SNRNP35: variants seen among roughly 807,000 people sequenced by gnomAD.
SNRNP35 encodes the protein small nuclear ribonucleoprotein U11/U12 subunit 35.
In SNRNP35, 16 loss-of-function variants were observed where a neutral mutation model predicts 24.3. The ratio of observed to expected loss-of-function variants is 0.66; its 90% CI spans 0.45 to 1.00. The LOEUF is 1.00. Ranked by LOEUF, SNRNP35 falls within the 50% of genes least tolerant of loss-of-function variation. The pLI is 0.00. For synonymous variants in SNRNP35, 106 were observed against 124.8 expected (o/e 0.85, Z 1.00); for missense variants, 292 against 327.2 (o/e 0.89, Z 0.83).
intron 1 of SNRNP35, among the ~76,000 whole-genome samples, chr12:123,462,501 T>G (rs1328477645): frequency 8.3e-6 from 1 of 120,618 alleles, no homozygotes; most frequent in Non-Finnish European, 1.6e-5. Context: ...GTCAGAGGTC[T>G]TTTTTTTTTT....
intron 1 of SNRNP35, among the ~76,000 whole-genome samples, chr12:123,464,043 C>T (rs1470138393): frequency 6.6e-6 from 1 of 150,778 alleles, no homozygotes; most frequent in African/African-American, 2.4e-5. Context: ...AAGTGATTCT[C>T]CTGCCTCAGC....
Position 123,466,000 on chromosome 12 carries a change from A to G in SNRNP35, c.460A>G (p.Arg154Gly). 1 of 1,614,026 alleles carries G rather than the reference A, an allele frequency of 6.2e-7. No individual in the cohort carries two copies. The highest frequency in any genetic ancestry group is 8.5e-7 in the Non-Finnish European group (1 of 1,180,012). The change falls in exon 2 of 2, where the codon AGA (arginine) becomes GGA (glycine). Residue 154 changes from arginine to glycine, a missense_variant. Coordinates refer to ENST00000526639, the MANE Select transcript of SNRNP35 (RefSeq NM_022717.4). The surrounding 1 kb of genome is among the most constrained non-coding windows in gnomAD (Gnocchi z 4.2). Reference protein sequence around the residue: ...LGGKKESGQLRFGGRDRPFRK... With the variant: ...LGGKKESGQLGFGGRDRPFRK... ...GGGAAAAAAGGAGTCTGGGCAACTG[A>G]GATTTGGGGGACGGGACCGGCCTTT... is the stretch of plus-strand genomic sequence containing the variant.
exon 2 of SNRNP35, chr12:123,472,609 C>G (rs777267055): frequency 6.3e-7 from 1 of 1,580,170 alleles, no homozygotes; most frequent in Non-Finnish European, 8.6e-7. Context: ...GCCCACTGTC[C>G]AAAGGACTCC....
chr12:123,469,804 C>G (rs1201023023), downstream of SNRNP35, among the ~76,000 whole-genome samples: 1 of 151,936 alleles, frequency 6.6e-6, no homozygotes, highest in African/African-American at 2.4e-5. Context: ...CACCTTGGCC[C>G]TCTCTAGGAT....
rs1298626854 is a variant in SNRNP35 at position 123,466,119 on chromosome 12, C to T, written c.579C>T (p.His193=). 2 of 1,611,872 alleles carry T rather than the reference C, an allele frequency of 1.2e-6. No homozygotes were observed. Among genetic ancestry groups the T allele is most frequent in the African/African-American group, 1.3e-5 (1 of 74,700 alleles). Residue 193 remains histidine (H), a synonymous_variant, in exon 2 of 2, where the codon CAC becomes CAT. Coordinates refer to ENST00000526639, the MANE Select transcript of SNRNP35 (RefSeq NM_022717.4). The part of the protein sequence containing the change: ...RRERSRSRER[H]WDSRTRDRDH... ...AGCGATCTCGATCCCGAGAAAGACA[C>T]TGGGACTCGAGGACAAGGGATCGAG...
Position 123,466,070 on chromosome 12 carries a change from G to A in SNRNP35, c.530G>A (p.Arg177Lys), listed in dbSNP as rs1313661286. 3.1e-6 allele frequency: 5 copies of A among 1,613,974 alleles called. No homozygotes were observed. The South Asian group carries it at 5.5e-5, about 18-fold the overall frequency. Residue 177 changes from arginine (R) to lysine (K), a missense_variant, in exon 2 of 2, where the codon AGA (arginine) becomes AAA (lysine). Coordinates refer to ENST00000526639, the MANE Select transcript of SNRNP35 (RefSeq NM_022717.4). The stretch of plus-strand genomic sequence containing the variant: ...CCAGTTGTTAAAAACGACCTCTATA[G>A]AGAGGGAAAACGGGAAAGGCGGGAG... ...NLPVVKNDLYREGKRERRERS... is the reference protein window; with the variant it reads ...NLPVVKNDLYKEGKRERRERS...
chr12:123,459,881 G>T, intron 1 of SNRNP35: 1 of 1,595,862 alleles, frequency 6.3e-7, no homozygotes, highest in African/African-American at 1.3e-5. Context: ...AAAGATTAAT[G>T]AGAAACAATG....
At chr12:123,467,914 GGT>G (rs1340422329), downstream of SNRNP35, among the ~76,000 whole-genome samples, 2 of 152,160 alleles carry the variant, frequency 1.3e-5, no homozygotes, top group Non-Finnish European at 2.9e-5. Context: ...GCACCAGAAG[GGT>G]GTTGTGGGCT....
intron 1 of SNRNP35, among the ~76,000 whole-genome samples, chr12:123,460,081 C>T (rs911402283): frequency 1.3e-5 from 2 of 152,182 alleles, no homozygotes; most frequent in African/African-American, 4.8e-5. Context: ...ATCCGCTCAT[C>T]TTGGCCTCCT....
Position 123,465,619 on chromosome 12 carries a change from C to T in SNRNP35, c.79C>T (p.His27Tyr). 6.2e-7 allele frequency: 1 copy of T among 1,610,726 alleles called. No homozygotes were observed. The highest frequency in any genetic ancestry group is 2.2e-5 in the East Asian group (1 of 44,868). ...CATTGATGGCACCGATGAAGACCCA[C>T]ACGACCGCGCGGTCTGGAGGGCAAT... Reference protein sequence around the residue: ...GSIDGTDEDPHDRAVWRAMLA... With the variant: ...GSIDGTDEDPYDRAVWRAMLA... Residue 27 changes from histidine to tyrosine, a missense_variant, in exon 2 of 2, where the codon CAC becomes TAC. Physicochemically the swap from His to Tyr is moderately conservative, Grantham distance 83 (BLOSUM62 2). Transcript: ENST00000526639. This position sits in a 1 kb window ranked among gnomAD's most constrained non-coding sequence, Gnocchi z 4.2.
chr12:123,472,695 A>G (rs1881275451), exon 2 of SNRNP35: 1 of 1,590,244 alleles, frequency 6.3e-7, no homozygotes, highest in Non-Finnish European at 8.6e-7. Flanking sequence ...TTGGAAGGGA[A>G]AGCAAACACA....
At chr12:123,472,754 C>T (rs910453419) in exon 2 of SNRNP35, 36 of 1,512,266 alleles carry the variant, frequency 2.4e-5, no homozygotes, top group East Asian at 4.8e-5. Flanking sequence ...TTTGCAATGC[C>T]GGAGACATAT....
chr12:123,458,412 C>G (rs575336836), intron 1 of SNRNP35, among the ~76,000 whole-genome samples, 196 bp downstream of exon 1: 1 of 132,612 alleles, frequency 7.5e-6, no homozygotes, highest in Non-Finnish European at 1.7e-5. Context: ...CCTGCGGCCC[C>G]CAGAGAAGGA....
intron 1 of SNRNP35, among the ~76,000 whole-genome samples, chr12:123,463,361 C>T (rs1880737964): frequency 6.6e-6 from 1 of 150,944 alleles, no homozygotes; most frequent in South Asian, 2.1e-4. Flanking sequence ...TGCAACAGGT[C>T]AAGTTTTTTT....
Position 123,466,123 on chromosome 12 carries a change from G to A in SNRNP35, c.583G>A (p.Asp195Asn), listed in dbSNP as rs1303548473. The stretch of plus-strand genomic sequence containing the variant: ...ATCTCGATCCCGAGAAAGACACTGG[G>A]ACTCGAGGACAAGGGATCGAGACCA... ...ERSRSRERHWDSRTRDRDHDR... is the reference protein window; with the variant it reads ...ERSRSRERHWNSRTRDRDHDR... The change falls in exon 2 of 2, where the codon GAC (aspartate) becomes AAC (asparagine). Residue 195 changes from aspartate to asparagine, a missense_variant. Physicochemically the swap from Asp to Asn is conservative, Grantham distance 23. Transcript: ENST00000526639. 3 of 1,612,144 alleles carry A rather than the reference G, an allele frequency of 1.9e-6. No individual in the cohort carries two copies. The highest frequency in any genetic ancestry group is 1.7e-5 in the Admixed American group (1 of 59,470).
downstream of SNRNP35, among the ~76,000 whole-genome samples, chr12:123,468,443 T>G (rs1881056162): frequency 6.6e-6 from 1 of 151,336 alleles, no homozygotes; most frequent in African/African-American, 2.4e-5. Flanking sequence ...ATCTCAGCAC[T>G]TTGGGAGGCC....
intron 1 of SNRNP35, chr12:123,459,890 TGAAACCAG>T: frequency 6.3e-7 from 1 of 1,590,240 alleles, no homozygotes; most frequent in Non-Finnish European, 8.6e-7. Context: ...TGAGAAACAA[TGAAACCAG>T]CTGTTAGTAT....
downstream of SNRNP35, among the ~76,000 whole-genome samples, chr12:123,469,076 C>T (rs1453093470): frequency 6.6e-6 from 1 of 152,174 alleles, no homozygotes; most frequent in Non-Finnish European, 1.5e-5. Flanking sequence ...TCTCCCCCTC[C>T]AGTTGTGACA....
At chr12:123,460,263 A>G (rs560349306) in intron 1 of SNRNP35, among the ~76,000 whole-genome samples, 6 of 152,198 alleles carry the variant, frequency 3.9e-5, no homozygotes, top group Admixed American at 2.6e-4. Context: ...CCAAAACCTT[A>G]TATTTTATGA....
Sources: gnomAD v4.1 joint callset for allele counts (sites outside exome capture counted in the v4.1 genomes callset) on GRCh38, gnomAD v4.1.1 for gene constraint, Gnocchi (gnomAD v3.1) non-coding constraint, MANE v1.5 for transcripts, NCBI Gene and HGNC (gene_info 2026-07-23, HGNC 2026-07-21) for gene names.